The following LAMA2 variants were observed in gnomAD, a reference collection of about 807,000 sequenced individuals.
LAMA2 encodes the protein laminin subunit alpha 2, also known as laminin subunit alpha-2.
A neutral mutation model predicts 364.8 loss-of-function variants in LAMA2; 269 were observed. The ratio of observed to expected loss-of-function variants is 0.74; its 90% CI spans 0.67 to 0.82. The LOEUF (loss-of-function observed/expected upper bound fraction) is 0.82. Among genes scored for constraint, LAMA2 ranks in the 40% least tolerant of loss-of-function variants. LAMA2 has a pLI of 0.00. For synonymous variants in LAMA2, 1,379 were observed against 1,370.6 expected, an observed-to-expected ratio of 1.01 and a Z score of -0.14; for missense variants, 3,807 against 3,873.2, an observed-to-expected ratio of 0.98 and a Z score of 0.45.
intron 45 of LAMA2, among the ~76,000 whole-genome samples, chr6:129,449,360 G>C (rs1782548486): frequency 6.6e-6 from 1 of 152,176 alleles, no homozygotes; most frequent in South Asian, 2.1e-4. Flanking sequence ...ATGCTTCCAA[G>C]ATGGCACTTT....
At chr6:129,203,379 C>T (rs1193479634) in intron 12 of LAMA2, among the ~76,000 whole-genome samples, 2 of 152,208 alleles carry the variant, frequency 1.3e-5, no homozygotes, top group African/African-American at 4.8e-5. Flanking sequence ...CATGCTGGCC[C>T]CTGCCACTTG....
chr6:128,899,425 A>T (rs141878714), intron 1 of LAMA2, among the ~76,000 whole-genome samples: 257 of 152,342 alleles, frequency 1.7e-3, no homozygotes, highest in South Asian at 4.1e-3. Flanking sequence ...TTAGCTCTTT[A>T]ACAGTTATAA....
chr6:129,294,393 G>C (rs1789941180), intron 20 of LAMA2, among the ~76,000 whole-genome samples: 1 of 152,126 alleles, frequency 6.6e-6, no homozygotes, highest in African/African-American at 2.4e-5. Flanking sequence ...CTAGAGGCTG[G>C]GAAGTACAAG....
At chr6:129,013,271 T>G (rs898124561) in intron 1 of LAMA2, among the ~76,000 whole-genome samples, 1 of 151,962 alleles carries the variant, frequency 6.6e-6, no homozygotes, top group African/African-American at 2.4e-5. Flanking sequence ...CCGTCTCTAC[T>G]AAAAATCCAA....
chr6:129,201,029 A>G (rs556725524), intron 12 of LAMA2, among the ~76,000 whole-genome samples: 70 of 152,314 alleles, frequency 4.6e-4, no homozygotes, highest in Non-Finnish European at 9.1e-4. Flanking sequence ...GAATAATAGT[A>G]TCTAGATTTC....
Position 129,315,837 on chromosome 6 carries a change from A to G in LAMA2, c.3811A>G (p.Asn1271Asp). 6.2e-7 allele frequency: 1 copy of G among 1,613,978 alleles called. No individual in the cohort carries two copies. The change falls in exon 26 of 65, where the codon AAT becomes GAT. Residue 1271 changes from asparagine (N) to aspartate (D), a missense_variant. By Grantham distance (23) the Asn-to-Asp change is conservative. This residue lies in a region of LAMA2 where 3,333 missense variants were observed against 3,345.7 expected (regional missense o/e 1.00). Transcript: ENST00000421865. ...GGAAGAAACAGGTTTCTCTACATATAATCCTCAAGTGATCATTCGAGGTGG... is the reference window on the plus strand; with the variant it reads ...GGAAGAAACAGGTTTCTCTACATATGATCCTCAAGTGATCATTCGAGGTGG... ...AREETGFSTY[N>D]PQVIIRGGTP...
chr6:129,084,730 G>A (rs1391991072), intron 3 of LAMA2, among the ~76,000 whole-genome samples: 4 of 152,210 alleles, frequency 2.6e-5, no homozygotes, highest in East Asian at 3.9e-4. Flanking sequence ...CTCACTGCAG[G>A]CATAAACCCT....
chr6:128,918,670 G>A (rs374845609), intron 1 of LAMA2, among the ~76,000 whole-genome samples: 1 of 152,052 alleles, frequency 6.6e-6, no homozygotes, highest in East Asian at 1.9e-4. Context: ...AATATTCACA[G>A]CATTGTGCAA....
At chr6:128,913,771 A>G (rs1240873747) in intron 1 of LAMA2, among the ~76,000 whole-genome samples, 2 of 152,194 alleles carry the variant, frequency 1.3e-5, no homozygotes, top group Non-Finnish European at 2.9e-5. Flanking sequence ...TATGTAGTGG[A>G]ATTACCTCAG....
chr6:129,031,897 C>G (rs973142395), intron 1 of LAMA2, among the ~76,000 whole-genome samples: 2 of 152,124 alleles, frequency 1.3e-5, no homozygotes, highest in African/African-American at 4.8e-5. Flanking sequence ...ACGATCTCTG[C>G]AACCTCTACC....
At chr6:129,380,853 C>T (rs1778643362) in intron 34 of LAMA2, among the ~76,000 whole-genome samples, 1 of 152,024 alleles carries the variant, frequency 6.6e-6, no homozygotes, top group African/African-American at 2.4e-5. Context: ...ATAATCAATA[C>T]TAAGAATAAA....
chr6:129,498,248 G>C lies in LAMA2; in HGVS notation c.8245-4411G>C, dbSNP rs144698658. On this transcript the variant is annotated intron_variant, in intron 58 of 64. Coordinates refer to ENST00000421865, the MANE Select transcript of LAMA2 (RefSeq NM_000426.4). ...CCATGGAGAATTCCTGTACTGATGA[G>C]CTCTCTTTGGGATTTGGGGAAAAGA... is the stretch of plus-strand genomic sequence containing the variant. Among the ~76,000 whole-genome samples, 248 of 152,292 alleles carry C rather than the reference G, an allele frequency of 1.6e-3. 1 individual carries two copies. Among genetic ancestry groups the C allele is most frequent in the Middle Eastern group, 0.014 (4 of 294 alleles).
Position 129,514,415 on chromosome 6 carries a change from G to A in LAMA2, c.9031G>A (p.Val3011Ile), listed in dbSNP as rs764537938. Residue 3011 changes from valine to isoleucine, a missense_variant, in exon 64 of 65, where the codon GTC (valine) becomes ATC (isoleucine). By Grantham distance (29) the Val-to-Ile change is conservative. This residue lies in a region of LAMA2 where 3,333 missense variants were observed against 3,345.7 expected (regional missense o/e 1.00). Transcript: ENST00000421865. ...VDNGAGRFTA[V>I]YDAGVPGHLC... ...CAATGGTGCGGGCAGATTCACTGCT[G>A]TCTATGATGCTGGGGTTCCAGGGCA... 6.2e-6 allele frequency: 10 copies of A among 1,613,884 alleles called. No homozygotes were observed. The highest frequency in any genetic ancestry group is 3.3e-4 in the Middle Eastern group (2 of 6,084).
At chr6:129,015,995 C>T (rs1258776279) in intron 1 of LAMA2, among the ~76,000 whole-genome samples, 1 of 151,980 alleles carries the variant, frequency 6.6e-6, no homozygotes, top group East Asian at 1.9e-4. Flanking sequence ...GGCCTGTCAT[C>T]TGCATGGCAT....
chr6:128,929,036 A>AT, intron 1 of LAMA2: 1 of 1,431,658 alleles, frequency 7.0e-7, no homozygotes, highest in Admixed American at 1.7e-5. Flanking sequence ...CAAGAAGCCA[A>AT]TGGTATCCTC....
At chr6:129,221,269 GA>G (rs1783822775) in intron 12 of LAMA2, among the ~76,000 whole-genome samples, 1 of 143,308 alleles carries the variant, frequency 7.0e-6, no homozygotes, top group Non-Finnish European at 1.5e-5. Context: ...CCAAAAATAA[GA>G]AAAGCATAAT....
intron 8 of LAMA2, among the ~76,000 whole-genome samples, chr6:129,162,307 C>T (rs1375469254): frequency 6.6e-6 from 1 of 152,040 alleles, no homozygotes; most frequent in Non-Finnish European, 1.5e-5. Flanking sequence ...ACAATGTTGT[C>T]ATTTTTGTTT....
intron 40 of LAMA2, among the ~76,000 whole-genome samples, chr6:129,414,738 C>A (rs1562542474): frequency 6.6e-6 from 1 of 152,146 alleles, no homozygotes; most frequent in African/African-American, 2.4e-5. Flanking sequence ...ATGATGCATA[C>A]ATGTTTTAAT....
At chr6:129,059,286 A>G (rs574526443) in intron 2 of LAMA2, among the ~76,000 whole-genome samples, 6 of 152,276 alleles carry the variant, frequency 3.9e-5, no homozygotes, top group East Asian at 1.9e-4. Flanking sequence ...TTAAAACCAG[A>G]TATATATTGG....
Sources: gnomAD v4.1 joint callset for allele counts (sites outside exome capture counted in the v4.1 genomes callset) on GRCh38, gnomAD v4.1.1 for gene constraint, gnomAD v4.1.1 regional missense constraint, MANE v1.5 for transcripts, NCBI Gene and HGNC (gene_info 2026-07-23, HGNC 2026-07-21) for gene names.